The following LOX variants were observed in gnomAD, a reference collection of about 807,000 sequenced individuals.
LOX encodes protein-lysine 6-oxidase.
LOX carries 12 observed loss-of-function variants against 50.5 expected under a neutral mutation model. The ratio of observed to expected loss-of-function variants is 0.24; its 90% CI spans 0.15 to 0.38. The LOEUF is 0.38. LOX is among the 10% of genes least tolerant of loss of function. The pLI is 1.00. For synonymous variants in LOX, 254 were observed against 230.6 expected, an observed-to-expected ratio of 1.10 and a Z score of -0.92; for missense variants, 504 against 563.8, an observed-to-expected ratio of 0.89 and a Z score of 1.07.
intron 4 of LOX, among the ~76,000 whole-genome samples, chr5:122,071,425 A>G (rs1754449864): frequency 6.6e-6 from 1 of 152,172 alleles, no homozygotes; most frequent in African/African-American, 2.4e-5. Context: ...AGTCACTGAA[A>G]TATGACATAT....
intron 2 of LOX, chr5:122,076,146 C>T (rs1181039527): frequency 6.6e-6 from 1 of 152,226 alleles, no homozygotes; most frequent in African/African-American, 2.4e-5. Context: ...TGGATTTCTT[C>T]ACTTCCTTTA....
intron 3 of LOX, among the ~76,000 whole-genome samples, chr5:122,074,858 TA>T (rs1046594889): frequency 6.6e-6 from 1 of 152,160 alleles, no homozygotes; most frequent in Non-Finnish European, 1.5e-5. Context: ...TTCCTGAAAA[TA>T]AACACCCAGG....
In LOX at chr5:122,066,725, G is replaced by A. The variant is rs767546142; in HGVS notation, c.*18C>T. ...ACACCAGGCACTGATTTATCCATTG[G>A]GAGTTTTGCTTTGCCTTCTAATACC... On this transcript the variant is annotated 3_prime_UTR_variant, in exon 7 of 7. Coordinates refer to ENST00000231004, the MANE Select transcript of LOX (RefSeq NM_002317.7). The A allele has an allele frequency of 1.3e-6, 2 of 1,597,680 alleles. No individual in the cohort carries two copies. The highest frequency in any genetic ancestry group is 2.7e-5 in the African/African-American group (2 of 74,474).
intron 4 of LOX, among the ~76,000 whole-genome samples, chr5:122,072,058 G>T (rs929703852): frequency 3.9e-5 from 6 of 152,190 alleles, no homozygotes; most frequent in African/African-American, 7.2e-5. Flanking sequence ...TTCTGATTCT[G>T]GCATATAATA....
rs1328093286 is a variant in LOX, at chr5:122,077,094, T to G, written c.632-93A>C. The G allele has an allele frequency of 6.5e-7, 1 of 1,534,370 alleles. No individual in the cohort carries two copies. The highest frequency in any genetic ancestry group is 1.4e-5 in the African/African-American group (1 of 73,312). ...CCTCTAGGTCCCTTACTCCTCACCCTTCGCCCACCGGGACTGCAGAGTGGA... is the reference window on the plus strand; with the variant it reads ...CCTCTAGGTCCCTTACTCCTCACCCGTCGCCCACCGGGACTGCAGAGTGGA... On this transcript the variant is annotated intron_variant, in intron 1 of 6. Transcript: ENST00000231004. This position sits in a 1 kb window ranked among gnomAD's most constrained non-coding sequence, Gnocchi z 4.9.
Position 122,075,331 on chromosome 5 carries a change from G to A in LOX, c.878+73C>T, listed in dbSNP as rs1439140790. 3.7e-6 allele frequency: 5 copies of A among 1,341,796 alleles called. No homozygotes were observed. The East Asian group carries it at 1.2e-4, about 32-fold the overall frequency. The allele number at this position is 1,341,796 out of a possible 1,614,324, so 83.1% of individuals were successfully genotyped here. On this transcript the variant is annotated intron_variant, in intron 3 of 6. Transcript: ENST00000231004. ...TCCCTTCAGGTAAGAAATAAGACTT[G>A]CATTTGTGATATCAAAAATCACCTG...
Position 122,077,597 on chromosome 5 carries a change from G to C in LOX, c.389C>G (p.Ser130Trp). The part of the protein sequence containing the change: ...TARHWFQAGY[S>W]TSRAREAGAS... ...GCCAGCTTCGCGGGCTCTAGATGTC[G>C]AGTAGCCAGCTTGGAACCAGTGACG... Residue 130 changes from serine to tryptophan, a missense_variant, in exon 1 of 7, where the codon TCG becomes TGG. Physicochemically the swap from Ser to Trp is radical, Grantham distance 177. This residue lies in a region of LOX where 398 missense variants were observed against 365.8 expected (regional missense o/e 1.09). Coordinates refer to ENST00000231004, the MANE Select transcript of LOX (RefSeq NM_002317.7). This position sits in a 1 kb window ranked among gnomAD's most constrained non-coding sequence, Gnocchi z 4.9. 6.2e-7 allele frequency: 1 copy of C among 1,612,528 alleles called. No individual in the cohort carries two copies. Among genetic ancestry groups the C allele is most frequent in the Non-Finnish European group, 8.5e-7 (1 of 1,179,788 alleles).
chr5:122,069,239 C>A (rs866909042), intron 6 of LOX, among the ~76,000 whole-genome samples: 4 of 152,066 alleles, frequency 2.6e-5, no homozygotes, highest in Non-Finnish European at 5.9e-5. Context: ...ACTGGTGGTT[C>A]TCCAGTGACA....
chr5:122,072,801 A>T (rs567322434), intron 4 of LOX, among the ~76,000 whole-genome samples: 1 of 152,360 alleles, frequency 6.6e-6, no homozygotes, highest in Admixed American at 6.5e-5. Context: ...AAGGGGGGGA[A>T]CCAGAAGTGC....
rs2152591870 is a variant in LOX, at chr5:122,078,106, T to G, written c.-121A>C. The G allele has an allele frequency of 1.1e-6, 1 of 920,248 alleles. No homozygotes were observed. The highest frequency in any genetic ancestry group is 1.5e-6 in the Non-Finnish European group (1 of 669,398). The allele number at this position is 920,248 out of a possible 1,614,324, so 57.0% of individuals were successfully genotyped here. A position where few individuals can be genotyped will look rare whatever the true frequency, so the allele number is the denominator to read the frequency against. On this transcript the variant is annotated 5_prime_UTR_variant, in exon 1 of 7. Coordinates refer to ENST00000231004, the MANE Select transcript of LOX (RefSeq NM_002317.7). ...ACCAAGGAGGCGAGCGGAGCACGGG[T>G]ATCTCAGTCTCCACCAAGCAATGCC...
In LOX at chr5:122,066,156, T is replaced by A. The variant is rs949391739; in HGVS notation, c.*587A>T. 2.6e-5 allele frequency: 4 copies of A among 152,142 alleles called. No individual in the cohort carries two copies. The highest frequency in any genetic ancestry group is 5.9e-5 in the Non-Finnish European group (4 of 68,014). 9.4% of individuals were successfully genotyped at this position (152,142 alleles called of 1,614,324 possible). On this transcript the variant is annotated 3_prime_UTR_variant, in exon 7 of 7. Coordinates refer to ENST00000231004, the MANE Select transcript of LOX (RefSeq NM_002317.7). ...ATTTTTTAAATGTAAACATACTTTTTATATAGGGATGTAACTATCTGAGTA... is the reference window on the plus strand; with the variant it reads ...ATTTTTTAAATGTAAACATACTTTTAATATAGGGATGTAACTATCTGAGTA...
intron 4 of LOX, among the ~76,000 whole-genome samples, chr5:122,072,232 G>T (rs1754471954): frequency 6.6e-6 from 1 of 152,090 alleles, no homozygotes; most frequent in Non-Finnish European, 1.5e-5. Flanking sequence ...GCTGAAATTG[G>T]CACTCGAGTT....
chr5:122,068,526 C>T (rs1019230656), intron 6 of LOX, among the ~76,000 whole-genome samples: 1 of 152,074 alleles, frequency 6.6e-6, no homozygotes, highest in African/African-American at 2.4e-5. Flanking sequence ...CTCAAAATGC[C>T]TTTACTCAAA....
chr5:122,070,040 AAAT>A lies in LOX; in HGVS notation c.1247+10_1247+12del. The A allele has an allele frequency of 6.4e-7, 1 of 1,571,352 alleles. No individual in the cohort carries two copies. The highest frequency in any genetic ancestry group is 1.1e-5 in the South Asian group (1 of 90,208). On this transcript the variant is annotated intron_variant, in intron 6 of 6. Transcript: ENST00000231004. ...TGTGACAACAATTACTTAGCTAAGC[AAAT>A]AACACTTACGGTGAAATTGTGCAGC...
intron 4 of LOX, among the ~76,000 whole-genome samples, chr5:122,071,808 G>T (rs1001387919): frequency 1.3e-5 from 2 of 152,142 alleles, no homozygotes; most frequent in Non-Finnish European, 2.9e-5. Context: ...AATCACCTTA[G>T]CATGCTCTAC....
At position 122,077,257 on chromosome 5, in the gene LOX, G is replaced by T. The variant is rs1420261698; in HGVS notation, c.631+98C>A. On this transcript the variant is annotated intron_variant, in intron 1 of 6. Coordinates refer to ENST00000231004, the MANE Select transcript of LOX (RefSeq NM_002317.7). This position sits in a 1 kb window ranked among gnomAD's most constrained non-coding sequence, Gnocchi z 4.9. ...CGCGTGGGGGAGGGATCGGATCTGC[G>T]AGGACCGGGGCCCGCCGCGCCCAGG... 2 of 1,556,170 alleles carry T rather than the reference G, an allele frequency of 1.3e-6. No homozygotes were observed. Among genetic ancestry groups the T allele is most frequent in the African/African-American group, 2.7e-5 (2 of 73,852 alleles).
At chr5:122,070,800 A>G in intron 4 of LOX, 1 of 375,410 alleles carries the variant, frequency 2.7e-6, no homozygotes, top group Non-Finnish European at 4.8e-6. Context: ...TATAAGTAGT[A>G]GTACACCTCA....
rs368947781 is a variant in LOX at position 122,074,132 on chromosome 5, G to A, written c.916C>T (p.Leu306=). The A allele has an allele frequency of 9.1e-5, 147 of 1,613,996 alleles. No individual in the cohort carries two copies. Among genetic ancestry groups the A allele is most frequent in the Non-Finnish European group, 1.2e-4 (138 of 1,179,988 alleles). ...CTCCTCTGGGTGTTGGCATCAAGCA[G>A]GTCATAGTGGCTAAACTCATCCATA... ...HSMDEFSHYD[L]LDANTQRRVA... Residue 306 remains leucine (L), a synonymous_variant, in exon 4 of 7, where the codon CTG becomes TTG. Transcript: ENST00000231004.
chr5:122,068,880 T>C (rs77302240), intron 6 of LOX, among the ~76,000 whole-genome samples: 6,804 of 152,044 alleles, frequency 0.045, 184 homozygotes, highest in African/African-American at 0.061. Context: ...AAAAAACTAA[T>C]CTGTTTATTT....
Sources: gnomAD v4.1 joint callset for allele counts (sites outside exome capture counted in the v4.1 genomes callset) on GRCh38, gnomAD v4.1.1 for gene constraint, gnomAD v4.1.1 regional missense constraint, Gnocchi (gnomAD v3.1) non-coding constraint, MANE v1.5 for transcripts, NCBI Gene and HGNC (gene_info 2026-07-23, HGNC 2026-07-21) for gene names.